The following MMP26 variants were observed in gnomAD, a reference collection of about 807,000 sequenced individuals.
MMP26 encodes matrix metalloproteinase-26.
MMP26 carries 33 observed loss-of-function variants against 31.0 expected under a neutral mutation model. The observed-to-expected ratio is 1.06, with a 90% CI of 0.81 to 1.42. MMP26 has a LOEUF of 1.42. MMP26 is among the 40% of genes most tolerant of loss of function. The pLI is 0.00. For synonymous variants in MMP26, 122 were observed against 114.9 expected (o/e 1.06, Z -0.40); for missense variants, 347 against 316.1 (o/e 1.10, Z -0.74).
At chr11:4,806,550 C>A (rs967564709) in intron 2 of MMP26, among the ~76,000 whole-genome samples, 3 of 151,998 alleles carry the variant, frequency 2.0e-5, no homozygotes, top group Non-Finnish European at 2.9e-5. Flanking sequence ...GCAATCTCTG[C>A]CTTTTTTGGT....
chr11:4,839,895 G>T lies in MMP26; in HGVS notation c.-145+72554G>T, dbSNP rs933479113. Among the ~76,000 whole-genome samples the T allele has an allele frequency of 4.0e-5, 6 of 151,728 alleles. No individual in the cohort carries two copies. The South Asian group carries it at 1.2e-3, about 32-fold the overall frequency. ...CTTGGGATCCCCCATTCCAGGATTT[G>T]ACTCTTGGATGGCATTTCTGGAACT... On this transcript the variant is annotated intron_variant, in intron 2 of 7. Coordinates refer to ENST00000380390, the MANE Select transcript of MMP26 (RefSeq NM_021801.5).
intron 1 of MMP26, chr11:4,722,877 A>G: frequency 1.2e-6 from 1 of 803,542 alleles, no homozygotes. Flanking sequence ...CCCAGGCCAT[A>G]GCTGAGGCCA....
intron 2 of MMP26, among the ~76,000 whole-genome samples, chr11:4,959,261 AAAAT>A (rs1436583585): frequency 3.4e-5 from 5 of 145,678 alleles, no homozygotes; most frequent in Admixed American, 1.4e-4. Flanking sequence ...AAAAAAAAAA[AAAAT>A]CTTACAAGAT....
chr11:4,964,989 G>C (rs1002550083), intron 2 of MMP26, among the ~76,000 whole-genome samples: 3 of 152,164 alleles, frequency 2.0e-5, no homozygotes, highest in African/African-American at 7.2e-5. Context: ...ATACTTAGGT[G>C]ATGGAATGAT....
chr11:4,819,652 C>G (rs1422738408), intron 2 of MMP26, among the ~76,000 whole-genome samples: 1 of 129,098 alleles, frequency 7.7e-6, no homozygotes, highest in African/African-American at 2.9e-5. Context: ...ATTCATGACT[C>G]ACTGCAATCT....
chr11:4,942,169 T>TTCCTAAA (rs1846220738), intron 2 of MMP26, among the ~76,000 whole-genome samples: 1 of 149,284 alleles, frequency 6.7e-6, no homozygotes, highest in African/African-American at 2.5e-5. Context: ...AAAATTGTCT[T>TTCCTAAA]TCCTAAATTA....
intron 2 of MMP26, among the ~76,000 whole-genome samples, chr11:4,815,445 A>T (rs1312519088): frequency 6.6e-6 from 1 of 152,190 alleles, no homozygotes; most frequent in Non-Finnish European, 1.5e-5. Flanking sequence ...TAACTTTTAT[A>T]GGAATAAAAT....
chr11:4,806,451 G>T (rs1001877005), intron 2 of MMP26, among the ~76,000 whole-genome samples: 4 of 152,194 alleles, frequency 2.6e-5, no homozygotes, highest in African/African-American at 9.6e-5. Flanking sequence ...TCTTCTTGTT[G>T]AATTGATCCC....
chr11:4,778,203 T>A (rs1168752289), intron 2 of MMP26, among the ~76,000 whole-genome samples: 2 of 152,106 alleles, frequency 1.3e-5, no homozygotes, highest in African/African-American at 4.8e-5. Flanking sequence ...TTAATTTCTT[T>A]ATGACTAATA....
In MMP26 at chr11:4,914,839, G is replaced by A. The variant is rs144347987; in HGVS notation, c.-144-73229G>A. On this transcript the variant is annotated intron_variant, in intron 2 of 7. Coordinates refer to ENST00000380390, the MANE Select transcript of MMP26 (RefSeq NM_021801.5). ...TGAAACCCATGACCACCTGGACCAG[G>A]TGGGGTGCCTGCTTTCCAAAGCGAT... 3.3e-4 allele frequency: 529 copies of A among 1,613,960 alleles called. 3 individuals carry two copies. The highest frequency in any genetic ancestry group is 1.4e-3 in the South Asian group (125 of 91,072).
intron 2 of MMP26, among the ~76,000 whole-genome samples, chr11:4,896,317 C>G (rs1459561902): frequency 6.6e-6 from 1 of 152,276 alleles, no homozygotes; most frequent in East Asian, 1.9e-4. Context: ...AGACTTTTAT[C>G]TACACACCGC....
intron 2 of MMP26, chr11:4,804,207 C>G (rs762166303): frequency 1.2e-6 from 2 of 1,614,050 alleles, no homozygotes; most frequent in Non-Finnish European, 1.7e-6. Flanking sequence ...TGGGCTCATG[C>G]AGGGTGTGGT....
chr11:4,840,747 C>T (rs1263019985), intron 2 of MMP26, among the ~76,000 whole-genome samples: 2 of 152,114 alleles, frequency 1.3e-5, no homozygotes, highest in African/African-American at 2.4e-5. Context: ...AATAAATAAA[C>T]AATTCTTGAA....
At chr11:4,871,802 G>A (rs12273277) in intron 2 of MMP26, 44,690 of 152,056 alleles carry the variant, frequency 0.29, 8,611 homozygotes, top group Non-Finnish European at 0.42. Flanking sequence ...GTCACAGAAC[G>A]GCAAAGACTG....
intron 2 of MMP26, chr11:4,907,442 A>G (rs1345656284): frequency 6.8e-6 from 11 of 1,613,896 alleles, no homozygotes; most frequent in Non-Finnish European, 9.3e-6. Context: ...ACATGCCCAC[A>G]TTTGGTTCTC....
At chr11:4,859,365 T>A (rs1339884725) in intron 2 of MMP26, among the ~76,000 whole-genome samples, 2 of 152,230 alleles carry the variant, frequency 1.3e-5, no homozygotes, top group Non-Finnish European at 2.9e-5. Flanking sequence ...ATCTCCCGTG[T>A]CATAGAAAAG....
intron 2 of MMP26, among the ~76,000 whole-genome samples, chr11:4,809,368 A>G (rs1849319854): frequency 6.6e-6 from 1 of 152,220 alleles, no homozygotes; most frequent in Admixed American, 6.5e-5. Flanking sequence ...TGTGGTTACA[A>G]GAACTGTATT....
rs141324764 is a variant in MMP26 at position 4,722,808 on chromosome 11, G to A, written c.-217+17763G>A. The A allele has an allele frequency of 6.1e-4, 590 of 969,870 alleles. 2 individuals are homozygous for A. In the African/African-American group the frequency reaches 8.2e-3, roughly 13 times the overall value. 60.1% of individuals were successfully genotyped at this position (969,870 alleles called of 1,614,324 possible). A position where few individuals can be genotyped will look rare whatever the true frequency, so the allele number is the denominator to read the frequency against. On this transcript the variant is annotated intron_variant, in intron 1 of 7. Transcript: ENST00000380390. ...GGTCTCGATATTCTTCACAACCACGGCCCTGGTGGAGCTGGTGTGGCTGAA... is the reference window on the plus strand; with the variant it reads ...GGTCTCGATATTCTTCACAACCACGACCCTGGTGGAGCTGGTGTGGCTGAA...
chr11:4,789,530 CTTTTTTTTTTTT>C (rs71050429), intron 2 of MMP26, among the ~76,000 whole-genome samples: 3,850 of 66,084 alleles, frequency 0.058, 285 homozygotes, highest in African/African-American at 0.19. Flanking sequence ...TATCCCCCCA[CTTTTTTTTTTTT>C]TTTTTTTTTT....
Sources: gnomAD v4.1 joint callset for allele counts (sites outside exome capture counted in the v4.1 genomes callset) on GRCh38, gnomAD v4.1.1 for gene constraint, MANE v1.5 for transcripts, NCBI Gene and HGNC (gene_info 2026-07-23, HGNC 2026-07-21) for gene names.